Variants in LUZP2 observed in about 807,000 individuals in gnomAD.
LUZP2 encodes the protein leucine zipper protein 2.
A neutral mutation model predicts 51.6 loss-of-function variants in LUZP2; 52 were observed. That is an observed-to-expected ratio of 1.01 (90% CI 0.81 to 1.27). The LOEUF is 1.27. Among genes scored for constraint, LUZP2 ranks in the 50% most tolerant of loss-of-function variants. LUZP2 has a pLI of 0.00. For missense variants in LUZP2, 436 were observed against 395.4 expected, an observed-to-expected ratio of 1.10 and a Z score of -0.87; for synonymous variants, 154 against 137.3, an observed-to-expected ratio of 1.12 and a Z score of -0.85.
Position 24,954,372 on chromosome 11 carries a change from G to A in LUZP2, c.523-22219G>A, listed in dbSNP as rs373297827. The stretch of plus-strand genomic sequence containing the variant: ...CAGTGCACCTCTTCCCCTTCTTTGG[G>A]TACAGCTATAGACTTAAATTGTTTG... On this transcript the variant is annotated intron_variant, in intron 7 of 11. Coordinates refer to ENST00000336930, the MANE Select transcript of LUZP2 (RefSeq NM_001009909.4). 3.9e-5 allele frequency among the ~76,000 whole-genome samples: 6 copies of A among 152,032 alleles called. No individual in the cohort carries two copies. In the East Asian group the frequency reaches 9.7e-4, roughly 25 times the overall value.
At chr11:24,624,323 T>A (rs559949416) in intron 1 of LUZP2, among the ~76,000 whole-genome samples, 8 of 152,124 alleles carry the variant, frequency 5.3e-5, no homozygotes, top group Non-Finnish European at 1.2e-4. Context: ...AAAATAATAA[T>A]GATTTTTTTT....
chr11:24,872,534 C>A (rs1372931608), intron 5 of LUZP2, among the ~76,000 whole-genome samples: 1 of 152,116 alleles, frequency 6.6e-6, no homozygotes, highest in Non-Finnish European at 1.5e-5. Context: ...CCTATCACTT[C>A]TTCAATAGTC....
At chr11:25,017,690 A>G (rs1046832012) in intron 9 of LUZP2, among the ~76,000 whole-genome samples, 9 of 152,136 alleles carry the variant, frequency 5.9e-5, no homozygotes, top group Non-Finnish European at 1.0e-4. Flanking sequence ...AGGTAACACA[A>G]TACCTCCAAG....
chr11:24,585,291 A>G (rs752357034), intron 1 of LUZP2, among the ~76,000 whole-genome samples: 2 of 152,168 alleles, frequency 1.3e-5, no homozygotes, highest in Non-Finnish European at 2.9e-5. Context: ...TTTTAATGAA[A>G]AAGTTCTCAA....
intron 5 of LUZP2, among the ~76,000 whole-genome samples, chr11:24,828,732 A>C (rs758403529): frequency 2.0e-5 from 3 of 152,156 alleles, no homozygotes; most frequent in Non-Finnish European, 4.4e-5. Flanking sequence ...GAGGTGGAGG[A>C]CTGGCAGCTT....
At chr11:25,029,936 A>AATTAT (rs1554957751) in intron 9 of LUZP2, among the ~76,000 whole-genome samples, 3 of 151,730 alleles carry the variant, frequency 2.0e-5, no homozygotes, top group Non-Finnish European at 4.4e-5. Context: ...CCAAGTAATT[A>AATTAT]TTTTTTATTT....
chr11:24,629,169 G>C (rs1854789352), intron 1 of LUZP2, among the ~76,000 whole-genome samples: 1 of 151,730 alleles, frequency 6.6e-6, no homozygotes, highest in Admixed American at 6.6e-5. Flanking sequence ...AGAGCTTTAA[G>C]GGTATCCATC....
At chr11:24,811,691 G>C (rs148334567) in intron 5 of LUZP2, among the ~76,000 whole-genome samples, 1 of 151,992 alleles carries the variant, frequency 6.6e-6, no homozygotes, top group African/African-American at 2.4e-5. Context: ...AAATTATACT[G>C]CTCTACCTTT....
intron 9 of LUZP2, 76 bp downstream of exon 9, chr11:24,983,369 AC>A: frequency 7.3e-7 from 1 of 1,372,968 alleles, no homozygotes; most frequent in Non-Finnish European, 1.0e-6. Flanking sequence ...ATATATAATC[AC>A]CAGAGTGGAT....
intron 7 of LUZP2, among the ~76,000 whole-genome samples, chr11:24,914,926 A>C (rs184559984): frequency 6.6e-6 from 1 of 152,306 alleles, no homozygotes; most frequent in Non-Finnish European, 1.5e-5. Context: ...ACAATGAGAC[A>C]GTTCAGTAAT....
At chr11:24,795,702 G>A (rs140650805) in intron 5 of LUZP2, among the ~76,000 whole-genome samples, 1,870 of 152,090 alleles carry the variant, frequency 0.012, 21 homozygotes, top group Admixed American at 0.019. Context: ...CTGTTTTTAC[G>A]GTGTGCTTAT....
At chr11:24,688,230 CA>C (rs1856956661) in intron 1 of LUZP2, among the ~76,000 whole-genome samples, 1 of 152,154 alleles carries the variant, frequency 6.6e-6, no homozygotes, top group Non-Finnish European at 1.5e-5. Context: ...GCTTTATATA[CA>C]TAATCTCATT....
chr11:24,860,138 G>A (rs1851694336), intron 5 of LUZP2, among the ~76,000 whole-genome samples: 2 of 152,204 alleles, frequency 1.3e-5, no homozygotes, highest in Admixed American at 1.3e-4. Flanking sequence ...CTAGTCCCAA[G>A]ACTTCTCCCC....
chr11:24,555,608 T>G (rs1056809145), intron 1 of LUZP2, among the ~76,000 whole-genome samples: 2 of 152,150 alleles, frequency 1.3e-5, no homozygotes, highest in African/African-American at 4.8e-5. Context: ...CTCAGAGACA[T>G]TGCATGAAAT....
At chr11:24,630,042 T>C (rs559053050) in intron 1 of LUZP2, among the ~76,000 whole-genome samples, 8 of 152,018 alleles carry the variant, frequency 5.3e-5, no homozygotes, top group African/African-American at 1.7e-4. Flanking sequence ...ATGGGATTAC[T>C]TTTTTTGTTT....
intron 9 of LUZP2, among the ~76,000 whole-genome samples, chr11:25,041,310 A>G (rs927540813): frequency 1.3e-5 from 2 of 152,160 alleles, no homozygotes; most frequent in African/African-American, 4.8e-5. Context: ...ATAAAATAGA[A>G]CAATTAAAAC....
At chr11:24,776,303 G>GA (rs1848921814) in intron 5 of LUZP2, among the ~76,000 whole-genome samples, 1 of 152,058 alleles carries the variant, frequency 6.6e-6, no homozygotes, top group Non-Finnish European at 1.5e-5. Flanking sequence ...TGGACTAACG[G>GA]AAAAATCCCA....
In LUZP2 at chr11:24,659,972, T is replaced by C. The variant is rs191710905; in HGVS notation, c.63-69197T>C. Among the ~76,000 whole-genome samples the C allele has an allele frequency of 2.0e-5, 3 of 152,262 alleles. No homozygotes were observed. In the East Asian group the frequency reaches 5.8e-4, roughly 29 times the overall value. On this transcript the variant is annotated intron_variant, in intron 1 of 11. Transcript: ENST00000336930. ...AGTTTTGCAGTTGTAATTAGGTCCA[T>C]AATCAGTTCACTTGGAGTAACGAAA...
At chr11:24,983,662 G>T (rs1856104241) in intron 9 of LUZP2, among the ~76,000 whole-genome samples, 1 of 151,398 alleles carries the variant, frequency 6.6e-6, no homozygotes. Flanking sequence ...TCTTCAGAAA[G>T]GTAAATCATT....
Sources: allele counts gnomAD v4.1 joint callset (sites outside exome capture counted in the v4.1 genomes callset), GRCh38; gene constraint gnomAD v4.1.1; transcripts MANE v1.5; gene names NCBI Gene and HGNC (gene_info 2026-07-23, HGNC 2026-07-21).